ADAMTS2: variants seen among roughly 807,000 people sequenced by gnomAD.
ADAMTS2 encodes ADAM metallopeptidase with thrombospondin type 1 motif 2, also known as A disintegrin and metalloproteinase with thrombospondin motifs 2.
ADAMTS2 carries 50 observed loss-of-function variants against 123.0 expected under a neutral mutation model. The observed-to-expected ratio is 0.41, with a 90% confidence interval of 0.32 to 0.51. The LOEUF is 0.51. ADAMTS2 is among the 20% of genes least tolerant of loss of function. The pLI is 0.35. For missense variants in ADAMTS2, 1,494 were observed against 1,705.2 expected (o/e 0.88, Z 2.18); for synonymous variants, 678 against 695.4 (o/e 0.98, Z 0.39).
chr5:179,134,820 C>T (rs1359517980), intron 13 of ADAMTS2, among the ~76,000 whole-genome samples: 6 of 127,530 alleles, frequency 4.7e-5, no homozygotes, highest in Admixed American at 7.4e-5. Context: ...GCTCCAGCCC[C>T]CAGCTCCCGG....
At chr5:179,341,294 G>A in intron 2 of ADAMTS2, 1 of 359,542 alleles carries the variant, frequency 2.8e-6, no homozygotes, top group South Asian at 2.0e-5. Context: ...GGCCAAGATG[G>A]GCAGATCGCT....
intron 2 of ADAMTS2, among the ~76,000 whole-genome samples, chr5:179,326,950 C>T (rs1034528298): frequency 6.6e-6 from 1 of 152,152 alleles, no homozygotes; most frequent in African/African-American, 2.4e-5. Context: ...ATAAGAGAAA[C>T]TCTCAGGTGC....
At chr5:179,207,475 T>TACCCCCCCCC in intron 4 of ADAMTS2, 38 bp downstream of exon 4, 20 of 588,612 alleles carry the variant, frequency 3.4e-5, no homozygotes, top group East Asian at 1.5e-4. Context: ...TGGTTGACCC[T>TACCCCCCCCC]CCCCGCCCCA....
intron 3 of ADAMTS2, among the ~76,000 whole-genome samples, chr5:179,263,011 T>TATTATTCCCCCATGATTTGGGGAGCAGC (rs1766272880): frequency 7.6e-6 from 1 of 131,706 alleles, no homozygotes; most frequent in African/African-American, 3.0e-5. Flanking sequence ...TGGGGAGCAG[T>TATTATTCCCCCATGATTTGGGGAGCAGC]ATTATTCCCC....
rs528032804 is a variant in ADAMTS2 at position 179,234,900 on chromosome 5, G to A, written c.689-27185C>T. On this transcript the variant is annotated intron_variant, in intron 3 of 21. Transcript: ENST00000251582. The surrounding 1 kb of genome is among the most constrained non-coding windows in gnomAD (Gnocchi z 4.7). ...CCCTCTTCCCAAGCCTAGCAGACCCGTGCGGGAGTGCGAGCACACTGGCTA... is the reference window on the plus strand; with the variant it reads ...CCCTCTTCCCAAGCCTAGCAGACCCATGCGGGAGTGCGAGCACACTGGCTA... Among the ~76,000 whole-genome samples, 14 of 152,256 alleles carry A rather than the reference G, an allele frequency of 9.2e-5. No homozygotes were observed. The East Asian group carries it at 1.9e-3, about 21-fold the overall frequency.
rs768469807 is a variant in ADAMTS2 at position 179,129,906 on chromosome 5, CTGGGCCCAGCCCTGCT to C, written c.2457+10_2457+25del. The C allele has an allele frequency of 6.2e-7, 1 of 1,613,370 alleles. No homozygotes were observed. Among genetic ancestry groups the C allele is most frequent in the Non-Finnish European group, 8.5e-7 (1 of 1,179,960 alleles). ...CCCCAGTGGCCACCCGCACCCTTCC[CTGGGCCCAGCCCTGCT>C]TGGACTCACCAGAACGGTGATGGTG... On this transcript the variant is annotated intron_variant, in intron 16 of 21. Transcript: ENST00000251582. This position sits in a 1 kb window ranked among gnomAD's most constrained non-coding sequence, Gnocchi z 4.1.
Position 179,118,199 on chromosome 5 carries a change from A to G in ADAMTS2, c.3178+3462T>C, listed in dbSNP as rs1017710530. 1.3e-5 allele frequency among the ~76,000 whole-genome samples: 2 copies of G among 152,238 alleles called. No homozygotes were observed. The highest frequency in any genetic ancestry group is 2.9e-5 in the Non-Finnish European group (2 of 68,034). On this transcript the variant is annotated intron_variant, in intron 21 of 21. Coordinates refer to ENST00000251582, the MANE Select transcript of ADAMTS2 (RefSeq NM_014244.5). The surrounding 1 kb of genome is among the most constrained non-coding windows in gnomAD (Gnocchi z 4.5). ...TAAAATCCTGGCCAAGAGATTGACT[A>G]TGCAAATAGCCTAGGAAAATTTCAA...
rs893804533 is a variant in ADAMTS2, at chr5:179,137,941, C to T, written c.1779G>A (p.Pro593=). The change falls in exon 12 of 22, where the codon CCG becomes CCA. Residue 593 remains proline, a synonymous_variant. Coordinates refer to ENST00000251582, the MANE Select transcript of ADAMTS2 (RefSeq NM_014244.5). ...CCGAGCAGGTGCGGCCCCCGTTGGC[C>T]GGGCTGGAGGAGAAAGCAAAGGCCT... ...FRTRQCDNPH[P]ANGGRTCSGL... 3.2e-6 allele frequency: 5 copies of T among 1,545,680 alleles called. No individual in the cohort carries two copies. Among genetic ancestry groups the T allele is most frequent in the East Asian group, 2.4e-5 (1 of 40,990 alleles).
In ADAMTS2 at chr5:179,175,044, T is replaced by G. The variant is rs934142663; in HGVS notation, c.975+6028A>C. 2.0e-5 allele frequency among the ~76,000 whole-genome samples: 3 copies of G among 148,398 alleles called. No homozygotes were observed. Among genetic ancestry groups the G allele is most frequent in the Non-Finnish European group, 4.5e-5 (3 of 67,136 alleles). On this transcript the variant is annotated intron_variant, in intron 5 of 21. Coordinates refer to ENST00000251582, the MANE Select transcript of ADAMTS2 (RefSeq NM_014244.5). The surrounding 1 kb of genome is among the most constrained non-coding windows in gnomAD (Gnocchi z 4.1). Reference sequence around the variant, plus strand: ...TGGGTTCCGCAGCTGTCTCAGCCATTCTTGACCGTTCATGTTCCTTTGGAG... The same window carrying G: ...TGGGTTCCGCAGCTGTCTCAGCCATGCTTGACCGTTCATGTTCCTTTGGAG...
chr5:179,231,735 TGA>T (rs1761036029), intron 3 of ADAMTS2, among the ~76,000 whole-genome samples: 1 of 151,972 alleles, frequency 6.6e-6, no homozygotes, highest in Admixed American at 6.6e-5. Context: ...TAAATACACA[TGA>T]GAGTCTTCTC....
chr5:179,120,223 G>C (rs1581135483), intron 21 of ADAMTS2: 1 of 152,008 alleles, frequency 6.6e-6, no homozygotes, highest in African/African-American at 2.4e-5. Context: ...CATGACAGGA[G>C]GTCTTTCCAT....
In ADAMTS2 at chr5:179,114,245, G is replaced by C. The variant is rs1762622678; in HGVS notation, c.3258C>G (p.Asn1086Lys). The change falls in exon 22 of 22, where the codon AAC (asparagine) becomes AAG (lysine). Residue 1086 changes from asparagine (N) to lysine (K), a missense_variant. By Grantham distance (94) the Asn-to-Lys change is moderately conservative (BLOSUM62 0). Around this residue, in one of 6 missense-constraint regions of ADAMTS2, gnomAD observed 953 missense variants for 1,124.7 expected, o/e 0.85. Transcript: ENST00000251582. The stretch of plus-strand genomic sequence containing the variant: ...GGTTACAGGACTTGCAGCACAGCTT[G>C]TTGTAGCCTGGGATGGAGCAATAGC... ...LSRYCSIPGY[N>K]KLCCKSCNLY... 6.2e-7 allele frequency: 1 copy of C among 1,614,012 alleles called. No homozygotes were observed.
chr5:179,229,459 C>A (rs1459337843), intron 3 of ADAMTS2, among the ~76,000 whole-genome samples: 1 of 109,002 alleles, frequency 9.2e-6, no homozygotes. Context: ...AAACACGAGA[C>A]CCTGCTGCCC....
chr5:179,132,374 T>C lies in ADAMTS2; in HGVS notation c.2210-64A>G. On this transcript the variant is annotated intron_variant, in intron 14 of 21. Coordinates refer to ENST00000251582, the MANE Select transcript of ADAMTS2 (RefSeq NM_014244.5). The surrounding 1 kb of genome is among the most constrained non-coding windows in gnomAD (Gnocchi z 6.1). ...GAAGGCGCCGCTCAAATTCGCACCA[T>C]GCAAGGAGGGGCCTCGCTCTTGAAG... The C allele has an allele frequency of 6.7e-7, 1 of 1,490,612 alleles. No individual in the cohort carries two copies. The highest frequency in any genetic ancestry group is 1.1e-5 in the South Asian group (1 of 87,522). The allele number at this position is 1,490,612 out of a possible 1,614,324, so 92.3% of individuals were successfully genotyped here. A position where few individuals can be genotyped will look rare whatever the true frequency, so the allele number is the denominator to read the frequency against.
At chr5:179,114,420 A>G in intron 21 of ADAMTS2, 96 bp from the exon 22 acceptor site, 1 of 1,281,688 alleles carries the variant, frequency 7.8e-7, no homozygotes, top group Non-Finnish European at 1.1e-6. Flanking sequence ...CATATGGAAG[A>G]GCCCAGAGAC....
At chr5:179,290,730 A>C (rs1418048192) in intron 2 of ADAMTS2, among the ~76,000 whole-genome samples, 2 of 152,236 alleles carry the variant, frequency 1.3e-5, no homozygotes, top group African/African-American at 4.8e-5. Flanking sequence ...TCCATTCTTC[A>C]CATTGGCTGC....
At chr5:179,221,735 A>T (rs982825104) in intron 3 of ADAMTS2, among the ~76,000 whole-genome samples, 7 of 151,278 alleles carry the variant, frequency 4.6e-5, no homozygotes, top group Non-Finnish European at 1.0e-4. Flanking sequence ...CGCAGAGGTG[A>T]TGCAATGCTC....
At chr5:179,290,302 A>G (rs1355398479) in intron 2 of ADAMTS2, among the ~76,000 whole-genome samples, 1 of 152,156 alleles carries the variant, frequency 6.6e-6, no homozygotes, top group Non-Finnish European at 1.5e-5. Context: ...CTTTGCACAC[A>G]TGGGCTTTCC....
At chr5:179,182,130 A>C (rs1418452097) in intron 4 of ADAMTS2, among the ~76,000 whole-genome samples, 1 of 152,160 alleles carries the variant, frequency 6.6e-6, no homozygotes, top group Non-Finnish European at 1.5e-5. Context: ...GCCGCCCCTC[A>C]TCAAGCACAA....
Sources: allele counts gnomAD v4.1 joint callset (sites outside exome capture counted in the v4.1 genomes callset), GRCh38; gene constraint gnomAD v4.1.1; regional missense constraint gnomAD v4.1.1; non-coding constraint Gnocchi (gnomAD v3.1); transcripts MANE v1.5; gene names NCBI Gene and HGNC (gene_info 2026-07-23, HGNC 2026-07-21).